Variants in SELENOO observed in about 807,000 individuals in gnomAD.
The protein encoded by SELENOO is selenoprotein O, also known as protein adenylyltransferase SelO, mitochondrial.
In SELENOO, 74 loss-of-function variants were observed where a neutral mutation model predicts 58.7. The observed-to-expected ratio is 1.26, with a 90% CI of 1.04 to 1.53. The LOEUF (loss-of-function observed/expected upper bound fraction) is 1.53. SELENOO is among the 40% of genes most tolerant of loss of function. The probability of loss-of-function intolerance (pLI) is 0.00; values close to 1 mark genes in which losing one functional copy is unlikely to be tolerated. For missense variants in SELENOO, 1,149 were observed against 970.0 expected (o/e 1.18, Z -2.45); for synonymous variants, 543 against 453.2 (o/e 1.20, Z -2.52).
chr22:50,209,710 T>C (rs1488685955), intron 3 of SELENOO, among the ~76,000 whole-genome samples: 1 of 152,174 alleles, frequency 6.6e-6, no homozygotes, highest in Non-Finnish European at 1.5e-5. Flanking sequence ...ACCCTGCACC[T>C]TGGGGGCTCC....
intron 4 of SELENOO, 115 bp downstream of exon 4, chr22:50,210,426 G>C (rs770544572): frequency 1.9e-5 from 27 of 1,420,736 alleles, no homozygotes; most frequent in Non-Finnish European, 2.4e-5. Flanking sequence ...AGCCGAGGGG[G>C]CTGGGGGCTG....
chr22:50,202,004 C>T (rs540101398), intron 1 of SELENOO, among the ~76,000 whole-genome samples: 5 of 152,322 alleles, frequency 3.3e-5, no homozygotes, highest in South Asian at 4.1e-4. Flanking sequence ...TTTTTAACCC[C>T]GAAGTGAGGT....
At position 50,210,304 on chromosome 22, in the gene SELENOO, C is replaced by A; in HGVS notation, c.1063C>A (p.Leu355Met). 1 of 1,613,026 alleles carries A rather than the reference C, an allele frequency of 6.2e-7. No homozygotes were observed. ...CATCGACTACGGGCCCTTTGGCTTCCTGGACAGGTAAGTGGCCCTGGGGCC... is the reference window on the plus strand; with the variant it reads ...CATCGACTACGGGCCCTTTGGCTTCATGGACAGGTAAGTGGCCCTGGGGCC... ...LTIDYGPFGF[L>M]DRYDPDHVCN... Residue 355 changes from leucine to methionine, a missense_variant, in exon 4 of 9, where the codon CTG becomes ATG. Transcript: ENST00000380903.
rs370093766 is a variant in SELENOO, at chr22:50,210,647, G to T, written c.1087G>T (p.Val363Leu). Residue 363 changes from valine to leucine, a missense_variant, in exon 5 of 9, where the codon GTG (valine) becomes TTG (leucine). Val to Leu is a conservative substitution (Grantham distance 32, BLOSUM62 1). Coordinates refer to ENST00000380903, the MANE Select transcript of SELENOO (RefSeq NM_031454.2). ...GFLDRYDPDH[V>L]CNASDNTGRY... The stretch of plus-strand genomic sequence containing the variant: ...GTGTGGCAGGTACGACCCCGACCAC[G>T]TGTGCAATGCCTCCGACAACACCGG... 1 of 1,612,766 alleles carries T rather than the reference G, an allele frequency of 6.2e-7. No homozygotes were observed. The highest frequency in any genetic ancestry group is 1.3e-5 in the African/African-American group (1 of 74,944).
Position 50,201,514 on chromosome 22 carries a change from C to A in SELENOO, c.478C>A (p.Leu160Met). 2.8e-6 allele frequency: 4 copies of A among 1,428,724 alleles called. No homozygotes were observed. In the South Asian group the frequency reaches 5.4e-5, roughly 19 times the overall value. 88.5% of individuals were successfully genotyped at this position (1,428,724 alleles called of 1,614,324 possible). The change falls in exon 1 of 9, where the codon CTG (leucine) becomes ATG (methionine). Residue 160 changes from leucine (L) to methionine (M), a missense_variant. Transcript: ENST00000380903. Reference sequence around the variant, plus strand: ...GCTGGGCGACGGCGCCGCCATGTACCTGGGCGAGGTGTGCACGGCGACCGG... The same window carrying A: ...GCTGGGCGACGGCGCCGCCATGTACATGGGCGAGGTGTGCACGGCGACCGG... ...GQLGDGAAMY[L>M]GEVCTATGER...
chr22:50,215,853 C>A lies in SELENOO; in HGVS notation c.1488C>A (p.Pro496=). ...AGGAGCTGAGGCTGGCCTTCCGGCCCCAGATGGATCCCCGGTGGGTACTCA... is the reference window on the plus strand; with the variant it reads ...AGGAGCTGAGGCTGGCCTTCCGGCCACAGATGGATCCCCGGTGGGTACTCA... ...SLEELRLAFR[P]QMDPRQLSMM... The change falls in exon 6 of 9, where the codon CCC becomes CCA. Residue 496 remains proline, a synonymous_variant. Transcript: ENST00000380903. 1.9e-6 allele frequency: 3 copies of A among 1,608,606 alleles called. No individual in the cohort carries two copies. Among genetic ancestry groups the A allele is most frequent in the Non-Finnish European group, 2.6e-6 (3 of 1,176,238 alleles).
rs756738759 is a variant in SELENOO, at chr22:50,206,457, A to T, written c.695A>T (p.Tyr232Phe). Residue 232 changes from tyrosine (Y) to phenylalanine (F), a missense_variant, in exon 2 of 9, where the codon TAT (tyrosine) becomes TTT (phenylalanine). Coordinates refer to ENST00000380903, the MANE Select transcript of SELENOO (RefSeq NM_031454.2). ...SESTVVRDVF[Y>F]DGNPKYEQCT... ...TCCACGGTGGTGCGCGACGTGTTCT[A>T]TGATGGTAATCCCAAATATGAACAA... 1 of 1,614,178 alleles carries T rather than the reference A, an allele frequency of 6.2e-7. No homozygotes were observed. The highest frequency in any genetic ancestry group is 8.5e-7 in the Non-Finnish European group (1 of 1,180,036).
At chr22:50,205,271 A>G (rs2064325998) in intron 1 of SELENOO, among the ~76,000 whole-genome samples, 1 of 152,212 alleles carries the variant, frequency 6.6e-6, no homozygotes, top group Non-Finnish European at 1.5e-5. Context: ...ATTTAATAGC[A>G]CTGATCTGTA....
intron 1 of SELENOO, among the ~76,000 whole-genome samples, chr22:50,203,541 G>A (rs147437257): frequency 6.6e-6 from 1 of 152,290 alleles, no homozygotes; most frequent in Non-Finnish European, 1.5e-5. Context: ...CCAGTGGGAT[G>A]GAATAAAGAG....
chr22:50,217,096 A>C lies in SELENOO; in HGVS notation c.1813A>C (p.Ile605Leu). Residue 605 changes from isoleucine to leucine, a missense_variant, in exon 8 of 9, where the codon ATC (isoleucine) becomes CTC (leucine). Physicochemically the swap from Ile to Leu is conservative, Grantham distance 5 (BLOSUM62 2). Transcript: ENST00000380903. ...GAGGAACTACATCGCGCAGAATGCC[A>C]TCGAGGCTGCCGAGCGCGGGGACTT... Reference protein sequence around the residue: ...VLRNYIAQNAIEAAERGDFSE... With the variant: ...VLRNYIAQNALEAAERGDFSE... The C allele has an allele frequency of 6.2e-7, 1 of 1,613,034 alleles. No individual in the cohort carries two copies. The highest frequency in any genetic ancestry group is 8.5e-7 in the Non-Finnish European group (1 of 1,179,930).
rs1212884584 is a variant in SELENOO at position 50,201,545 on chromosome 22, G to T, written c.509G>T (p.Arg170Leu). 6 of 1,387,970 alleles carry T rather than the reference G, an allele frequency of 4.3e-6. No homozygotes were observed. The highest frequency in any genetic ancestry group is 5.6e-6 in the Non-Finnish European group (6 of 1,066,226). The allele number at this position is 1,387,970 out of a possible 1,614,324, so 86.0% of individuals were successfully genotyped here. A position where few individuals can be genotyped will look rare whatever the true frequency, so the allele number is the denominator to read the frequency against. The part of the protein sequence containing the change: ...LGEVCTATGE[R>L]WELQLKGAGP... ...GAGGTGTGCACGGCGACCGGCGAGC[G>T]CTGGGAGCTGCAGCTCAAGGGCGCC... Residue 170 changes from arginine to leucine, a missense_variant, in exon 1 of 9, where the codon CGC becomes CTC. By Grantham distance (102) the Arg-to-Leu change is moderately radical. Coordinates refer to ENST00000380903, the MANE Select transcript of SELENOO (RefSeq NM_031454.2).
intron 5 of SELENOO, 85 bp from the exon 6 acceptor site, chr22:50,215,632 G>A: frequency 1.7e-6 from 2 of 1,158,844 alleles, no homozygotes; most frequent in African/African-American, 2.3e-5. Context: ...TGTGCCAGGG[G>A]GGTGGGGGGG....
At chr22:50,210,007 C>T (rs934276978) in intron 3 of SELENOO, among the ~76,000 whole-genome samples, 174 bp from the exon 4 acceptor site, 3 of 152,248 alleles carry the variant, frequency 2.0e-5, no homozygotes, top group South Asian at 2.1e-4. Flanking sequence ...ACGCACTCTT[C>T]ATCGCCACCT....
intron 1 of SELENOO, among the ~76,000 whole-genome samples, 164 bp downstream of exon 1, chr22:50,201,754 C>G (rs1049015684): frequency 6.6e-6 from 1 of 152,256 alleles, no homozygotes; most frequent in African/African-American, 2.4e-5. Context: ...CTGTGCTTAT[C>G]AACCCGCCGA....
rs1338365417 is a variant in SELENOO, at chr22:50,217,222, A to G, written c.1863A>G (p.Lys621=). The change falls in exon 9 of 9, where the codon AAA becomes AAG. Residue 621 remains lysine, a synonymous_variant. Transcript: ENST00000380903. ...TCCTCCAGGTGCGGCGGGTGCTGAA[A>G]CTACTGGAGACCCCTTACCACTGCG... ...GDFSEVRRVL[K]LLETPYHCEA... The G allele has an allele frequency of 1.9e-6, 3 of 1,611,472 alleles. No homozygotes were observed. Among genetic ancestry groups the G allele is most frequent in the Non-Finnish European group, 2.5e-6 (3 of 1,179,236 alleles).
At chr22:50,209,732 T>C (rs1482625727) in intron 3 of SELENOO, among the ~76,000 whole-genome samples, 1 of 152,052 alleles carries the variant, frequency 6.6e-6, no homozygotes. Context: ...GGCCCCCCTG[T>C]TGATTGGCCC....
intron 5 of SELENOO, 45 bp from the exon 6 acceptor site, chr22:50,215,672 C>T (rs752363022): frequency 1.3e-6 from 2 of 1,523,710 alleles, no homozygotes; most frequent in African/African-American, 1.4e-5. Flanking sequence ...AGGACAGGGA[C>T]CCTGGGCCTT....
chr22:50,210,084 C>A, intron 3 of SELENOO, 97 bp from the exon 4 acceptor site: 1 of 1,454,090 alleles, frequency 6.9e-7, no homozygotes, highest in Non-Finnish European at 9.3e-7. Context: ...AGCCACTCAG[C>A]GAAGCACAGC....
chr22:50,216,367 C>T (rs770147591), intron 6 of SELENOO, among the ~76,000 whole-genome samples: 1 of 152,266 alleles, frequency 6.6e-6, no homozygotes, highest in Non-Finnish European at 1.5e-5. Context: ...CTGGACCCTT[C>T]TGGAAATGAG....
Sources: allele counts gnomAD v4.1 joint callset (sites outside exome capture counted in the v4.1 genomes callset), GRCh38; gene constraint gnomAD v4.1.1; transcripts MANE v1.5; gene names NCBI Gene and HGNC (gene_info 2026-07-23, HGNC 2026-07-21).